The following DRC2 variants were observed in gnomAD, a reference collection of about 807,000 sequenced individuals.
DRC2 encodes the protein dynein regulatory complex subunit 2.
At chr12:48,914,574 G>T in the DRC2 span, 10 of 1,613,336 alleles carry the variant, frequency 6.2e-6, no homozygotes, top group Non-Finnish European at 7.6e-6. Flanking sequence ...AGACAGAAAG[G>T]TATGGGGGCC....
chr12:48,915,058 T>A, the DRC2 span, among the ~76,000 whole-genome samples: 4 of 151,354 alleles, frequency 2.6e-5, no homozygotes, highest in Non-Finnish European at 4.4e-5. Flanking sequence ...TAACTTTTTT[T>A]TCTTCTTTTT....
the DRC2 span, chr12:48,914,275 G>A: frequency 1.1e-6 from 1 of 910,074 alleles, no homozygotes; most frequent in South Asian, 1.8e-5. Flanking sequence ...GAGTGAGGGG[G>A]ACAGCCAGCA....
the DRC2 span, among the ~76,000 whole-genome samples, chr12:48,911,668 T>G: frequency 6.6e-5 from 10 of 152,030 alleles, no homozygotes; most frequent in African/African-American, 1.9e-4. Flanking sequence ...CCCAGGTTAG[T>G]CTCAAACTCT....
the DRC2 span, chr12:48,904,210 T>TCCCACAACCG: frequency 3.0e-6 from 4 of 1,315,998 alleles, no homozygotes; most frequent in Non-Finnish European, 3.1e-6. Context: ...AGATCTCCGG[T>TCCCACAACCG]CCCACAACCG....
chr12:48,918,615 C>G, the DRC2 span: 4 of 1,538,258 alleles, frequency 2.6e-6, no homozygotes, highest in Admixed American at 6.9e-5. Context: ...CCAGGCAGCC[C>G]TTTTACCTGT....
the DRC2 span, among the ~76,000 whole-genome samples, chr12:48,920,441 TAAAAA>T: frequency 3.5e-4 from 24 of 67,812 alleles, no homozygotes; most frequent in East Asian, 1.4e-3. Context: ...AACTCCATCT[TAAAAA>T]AAAAAAAAAA....
At chr12:48,914,518 G>C in the DRC2 span, 25 of 1,614,178 alleles carry the variant, frequency 1.5e-5, no homozygotes, top group Non-Finnish European at 2.1e-5. Context: ...CAGTCTCCTG[G>C]AGGAAAGTTA....
chr12:48,904,685 A>C, the DRC2 span, among the ~76,000 whole-genome samples: 1 of 152,120 alleles, frequency 6.6e-6, no homozygotes, highest in African/African-American at 2.4e-5. Context: ...TCTTTACTGA[A>C]TCCCAGAACT....
chr12:48,906,271 G>A, the DRC2 span, among the ~76,000 whole-genome samples: 3 of 151,334 alleles, frequency 2.0e-5, no homozygotes, highest in Non-Finnish European at 4.4e-5. Context: ...TTCATTAGAA[G>A]TCCACATACC....
chr12:48,916,133 G>A, the DRC2 span, among the ~76,000 whole-genome samples: 50 of 150,162 alleles, frequency 3.3e-4, no homozygotes, highest in Middle Eastern at 3.4e-3. Context: ...GCCAGGCAGA[G>A]GGGCTCCTCA....
chr12:48,920,871 C>A, the DRC2 span: 1 of 1,519,300 alleles, frequency 6.6e-7, no homozygotes, highest in Non-Finnish European at 8.9e-7. Flanking sequence ...GGAACCAACT[C>A]CACTAGCTTC....
At chr12:48,914,071 G>A in the DRC2 span, among the ~76,000 whole-genome samples, 3 of 151,554 alleles carry the variant, frequency 2.0e-5, no homozygotes, top group African/African-American at 4.8e-5. Flanking sequence ...CTGGGATTAC[G>A]GCCTGGGTAA....
At chr12:48,914,131 G>A in the DRC2 span, among the ~76,000 whole-genome samples, 3 of 151,488 alleles carry the variant, frequency 2.0e-5, no homozygotes, top group African/African-American at 7.3e-5. Context: ...AGATGGGGGG[G>A]TCTCATTATG....
At chr12:48,915,842 AC>A in the DRC2 span, among the ~76,000 whole-genome samples, 11 of 149,338 alleles carry the variant, frequency 7.4e-5, no homozygotes, top group Admixed American at 1.3e-4. Context: ...CACTTCTCAG[AC>A]GGGGCAGCTG....
At chr12:48,912,806 G>A in the DRC2 span, among the ~76,000 whole-genome samples, 1 of 152,040 alleles carries the variant, frequency 6.6e-6, no homozygotes, top group South Asian at 2.1e-4. Context: ...TGACCCTTTT[G>A]GTCTTTTATA....
At chr12:48,904,620 G>T in the DRC2 span, 9 of 1,186,002 alleles carry the variant, frequency 7.6e-6, no homozygotes, top group African/African-American at 1.4e-4. Flanking sequence ...TTGTTTGGGA[G>T]GCGGGGGTGT....
At chr12:48,916,875 G>A in the DRC2 span, 3 of 1,212,812 alleles carry the variant, frequency 2.5e-6, no homozygotes, top group African/African-American at 3.0e-5. Flanking sequence ...CTAAGAGTTT[G>A]TACCATTCAC....
At chr12:48,921,360 A>G in the DRC2 span, 11 of 1,614,184 alleles carry the variant, frequency 6.8e-6, no homozygotes, top group East Asian at 2.5e-4. Flanking sequence ...CCCACTCTTT[A>G]TAGTCAACTA....
chr12:48,917,554 A>G, the DRC2 span, among the ~76,000 whole-genome samples: 15 of 152,254 alleles, frequency 9.9e-5, no homozygotes, highest in Non-Finnish European at 1.3e-4. Context: ...TAAAACATCT[A>G]TTGCCCCCTG....
Sources: gnomAD v4.1 joint callset for allele counts (sites outside exome capture counted in the v4.1 genomes callset) on GRCh38, gnomAD v4.1.1 for gene constraint, MANE v1.5 for transcripts, NCBI Gene and HGNC (gene_info 2026-07-23, HGNC 2026-07-21) for gene names.